HTR1F: variants seen among roughly 807,000 people sequenced by gnomAD.
HTR1F encodes the protein 5-hydroxytryptamine (serotonin) receptor 1F, G protein-coupled.
HTR1F carries 17 observed loss-of-function variants against 24.0 expected under a neutral mutation model. That is an observed-to-expected ratio of 0.71 (90% CI 0.48 to 1.06). The LOEUF (loss-of-function observed/expected upper bound fraction) is 1.06, where lower values mean the gene tolerates loss of function less well. Among genes scored for constraint, HTR1F ranks in the 50% least tolerant of loss-of-function variants. The probability of loss-of-function intolerance (pLI) is 0.00; values close to 1 mark genes in which losing one functional copy is unlikely to be tolerated. For synonymous variants in HTR1F, 186 were observed against 156.8 expected, an observed-to-expected ratio of 1.19 and a Z score of -1.39; for missense variants, 391 against 427.8, an observed-to-expected ratio of 0.91 and a Z score of 0.76.
intron 2 of HTR1F, among the ~76,000 whole-genome samples, chr3:87,934,070 T>C (rs1000670040): frequency 2.6e-5 from 4 of 152,190 alleles, no homozygotes; most frequent in Non-Finnish European, 4.4e-5. Flanking sequence ...TGGCCCACAT[T>C]CCTAGTCTTC....
chr3:87,957,157 G>A (rs1357678290), intron 2 of HTR1F, among the ~76,000 whole-genome samples: 1 of 151,102 alleles, frequency 6.6e-6, no homozygotes, highest in African/African-American at 2.4e-5. Flanking sequence ...GTTTTTATCA[G>A]GAATAGATGT....
At chr3:87,932,605 G>T (rs1172608752) in intron 2 of HTR1F, among the ~76,000 whole-genome samples, 2 of 152,052 alleles carry the variant, frequency 1.3e-5, no homozygotes, top group Non-Finnish European at 2.9e-5. Flanking sequence ...GCTTGATGGG[G>T]ATGGCAAAAA....
Position 87,991,422 on chromosome 3 carries a change from G to A in HTR1F, c.673G>A (p.Val225Met), listed in dbSNP as rs1412585452. The A allele has an allele frequency of 2.5e-6, 4 of 1,613,886 alleles. No individual in the cohort carries two copies. In the African/African-American group the frequency reaches 4.0e-5, roughly 16 times the overall value. ...RQASRIAKEEVNGQVLLESGE... is the reference protein window; with the variant it reads ...RQASRIAKEEMNGQVLLESGE... The stretch of plus-strand genomic sequence containing the variant: ...AGCAAGTAGGATTGCAAAGGAGGAG[G>A]TGAATGGCCAAGTCCTTTTGGAGAG... The change falls in exon 3 of 3, where the codon GTG becomes ATG. Residue 225 changes from valine to methionine, a missense_variant. Val to Met is a conservative substitution (Grantham distance 21). Coordinates refer to ENST00000319595, the MANE Select transcript of HTR1F (RefSeq NM_001322209.2).
chr3:87,935,955 A>T (rs189468860), intron 2 of HTR1F, among the ~76,000 whole-genome samples: 164 of 152,030 alleles, frequency 1.1e-3, no homozygotes, highest in African/African-American at 3.8e-3. Context: ...GGTTCAAGCG[A>T]TCCTCCTGCC....
chr3:87,862,741 C>CATTTTTCTTTA (rs1198140948), intron 2 of HTR1F, among the ~76,000 whole-genome samples: 1 of 152,078 alleles, frequency 6.6e-6, no homozygotes, highest in Admixed American at 6.6e-5. Flanking sequence ...TATAATGGAT[C>CATTTTTCTTTA]ATTTTTCTTT....
intron 2 of HTR1F, among the ~76,000 whole-genome samples, chr3:87,921,430 TA>T (rs1704009892): frequency 6.6e-6 from 1 of 152,004 alleles, no homozygotes; most frequent in Non-Finnish European, 1.5e-5. Flanking sequence ...ACTTAAAATA[TA>T]ACATGCTTTT....
At chr3:87,888,756 A>G (rs888211967) in intron 2 of HTR1F, among the ~76,000 whole-genome samples, 1 of 152,214 alleles carries the variant, frequency 6.6e-6, no homozygotes, top group African/African-American at 2.4e-5. Flanking sequence ...GGGGAGCCTA[A>G]AAGTACCTAC....
chr3:87,926,364 A>G (rs574967909), intron 2 of HTR1F, among the ~76,000 whole-genome samples: 4 of 152,286 alleles, frequency 2.6e-5, no homozygotes, highest in East Asian at 1.9e-4. Context: ...ATTATTTCAC[A>G]CTTGTCAGCA....
rs1705484060 is a variant in HTR1F at position 87,979,113 on chromosome 3, AAGGAAGGGAGGGAGGGAGGGAGGG to A, written c.-42-11591_-42-11568del. On this transcript the variant is annotated intron_variant, in intron 2 of 2. Transcript: ENST00000319595. ...GAAGGAAGGAAGGAAGGAAGGGAGGAAGGAAGGGAGGGAGGGAGGGAGGGAGGGAGGGAGATGGGAAAGACTGAG... is the reference window on the plus strand; with the variant it reads ...GAAGGAAGGAAGGAAGGAAGGGAGGAAGGGAGGGAGATGGGAAAGACTGAG... Among the ~76,000 whole-genome samples, 15 of 4,944 alleles carry A rather than the reference AAGGAAGGGAGGGAGGGAGGGAGGG, an allele frequency of 3.0e-3. 3 individuals carry two copies. The highest frequency in any genetic ancestry group is 6.9e-3 in the Non-Finnish European group (13 of 1,874). 3.2% of individuals were successfully genotyped at this position (4,944 alleles called of 152,430 possible).
chr3:87,904,460 A>G (rs567824737), intron 2 of HTR1F, among the ~76,000 whole-genome samples: 21 of 152,266 alleles, frequency 1.4e-4, no homozygotes, highest in African/African-American at 5.1e-4. Flanking sequence ...ATGAAGCAAA[A>G]ACTGAAAACA....
At chr3:87,866,877 G>A (rs369350829) in intron 2 of HTR1F, among the ~76,000 whole-genome samples, 22 of 151,094 alleles carry the variant, frequency 1.5e-4, no homozygotes, top group African/African-American at 5.1e-4. Context: ...AGTTGTTAAG[G>A]TGGAAGAAAA....
chr3:87,890,890 G>T, intron 2 of HTR1F, among the ~76,000 whole-genome samples: 1 of 146,502 alleles, frequency 6.8e-6, no homozygotes, highest in Non-Finnish European at 1.5e-5. Flanking sequence ...TGCCCAGGCT[G>T]GAGTGCAATG....
intron 1 of HTR1F, among the ~76,000 whole-genome samples, chr3:87,793,931 T>C (rs1204854813): frequency 2.0e-5 from 3 of 150,330 alleles, no homozygotes; most frequent in Non-Finnish European, 4.4e-5. Flanking sequence ...GATATATAAT[T>C]ATTACAATTT....
intron 2 of HTR1F, among the ~76,000 whole-genome samples, chr3:87,936,058 C>G (rs571077092): frequency 1.2e-4 from 19 of 152,250 alleles, no homozygotes; most frequent in African/African-American, 4.3e-4. Context: ...CCATGTTGGC[C>G]AGGCTGGTCT....
intron 2 of HTR1F, among the ~76,000 whole-genome samples, chr3:87,863,109 C>T (rs563176137): frequency 3.9e-5 from 6 of 152,342 alleles, no homozygotes; most frequent in African/African-American, 1.4e-4. Flanking sequence ...AGCCACTGTG[C>T]CTGGCCACAT....
intron 2 of HTR1F, among the ~76,000 whole-genome samples, chr3:87,984,139 G>A (rs1383080115): frequency 8.5e-5 from 13 of 152,128 alleles, no homozygotes; most frequent in Non-Finnish European, 2.9e-5. Context: ...GATTTCACAT[G>A]TCTGATGCAT....
chr3:87,991,933 G>T lies in HTR1F; in HGVS notation c.*83G>T. 1 of 1,180,816 alleles carries T rather than the reference G, an allele frequency of 8.5e-7. No homozygotes were observed. The allele number at this position is 1,180,816 out of a possible 1,614,324, so 73.1% of individuals were successfully genotyped here. ...GAATGCCAAATAATAAAACACTTAA[G>T]CTTTTAGAGGGAAATACATGAAAAC... On this transcript the variant is annotated 3_prime_UTR_variant, in exon 3 of 3. Transcript: ENST00000319595.
chr3:87,831,807 G>T (rs575943287), intron 2 of HTR1F, among the ~76,000 whole-genome samples: 1 of 152,148 alleles, frequency 6.6e-6, no homozygotes, highest in Non-Finnish European at 1.5e-5. Flanking sequence ...CTTGCCGTCT[G>T]ATTGGTTTAC....
intron 2 of HTR1F, among the ~76,000 whole-genome samples, chr3:87,903,667 A>C (rs1479042563): frequency 6.6e-6 from 1 of 151,834 alleles, no homozygotes; most frequent in Non-Finnish European, 1.5e-5. Flanking sequence ...ACACTTTTAC[A>C]CTGTTGGTGG....
Sources: allele counts gnomAD v4.1 joint callset (sites outside exome capture counted in the v4.1 genomes callset), GRCh38; gene constraint gnomAD v4.1.1; transcripts MANE v1.5; gene names NCBI Gene and HGNC (gene_info 2026-07-23, HGNC 2026-07-21).